SLC27A6: variants seen among roughly 807,000 people sequenced by gnomAD.
SLC27A6 encodes solute carrier family 27 member 6.
A neutral mutation model predicts 63.9 loss-of-function variants in SLC27A6; 74 were observed. The ratio of observed to expected loss-of-function variants is 1.16; its 90% CI spans 0.96 to 1.40. SLC27A6 has a LOEUF of 1.40. SLC27A6 is among the 40% of genes most tolerant of loss of function. SLC27A6 has a pLI of 0.00. For missense variants in SLC27A6, 794 were observed against 732.9 expected (o/e 1.08, Z -0.96); for synonymous variants, 287 against 260.8 (o/e 1.10, Z -0.97).
At chr5:128,991,163 A>T (rs923049774) in intron 4 of SLC27A6, among the ~76,000 whole-genome samples, 2 of 152,068 alleles carry the variant, frequency 1.3e-5, no homozygotes, top group Non-Finnish European at 2.9e-5. Flanking sequence ...ATGATTGACT[A>T]TTTCTTTACC....
chr5:128,968,338 C>A (rs1749991693), intron 1 of SLC27A6, among the ~76,000 whole-genome samples: 1 of 152,184 alleles, frequency 6.6e-6, no homozygotes, highest in Admixed American at 6.6e-5. Flanking sequence ...AATCACCACA[C>A]CGTCTTCCAC....
At chr5:129,008,842 G>T (rs1327656712) in intron 4 of SLC27A6, among the ~76,000 whole-genome samples, 2 of 150,738 alleles carry the variant, frequency 1.3e-5, no homozygotes, top group Non-Finnish European at 3.0e-5. Flanking sequence ...TCCACATCTT[G>T]GCTATCTTAT....
At chr5:129,026,973 A>G (rs781274585) in intron 6 of SLC27A6, among the ~76,000 whole-genome samples, 160 bp from the exon 7 acceptor site, 2 of 152,156 alleles carry the variant, frequency 1.3e-5, no homozygotes, top group Non-Finnish European at 2.9e-5. Flanking sequence ...TGCTGGATAT[A>G]GGCACCAAGG....
chr5:129,005,847 C>T lies in SLC27A6; in HGVS notation c.970-10038C>T, dbSNP rs1041676350. Among the ~76,000 whole-genome samples, 10 of 151,306 alleles carry T rather than the reference C, an allele frequency of 6.6e-5. No individual in the cohort carries two copies. In the South Asian group the frequency reaches 1.7e-3, roughly 25 times the overall value. On this transcript the variant is annotated intron_variant, in intron 4 of 9. Transcript: ENST00000262462. Reference sequence around the variant, plus strand: ...CAGGATGGTCTCGATCTCCTGACCTCGTGATCCGCCTGCCTCGGCCCCCCA... The same window carrying T: ...CAGGATGGTCTCGATCTCCTGACCTTGTGATCCGCCTGCCTCGGCCCCCCA...
intron 1 of SLC27A6, among the ~76,000 whole-genome samples, chr5:128,969,464 TTGAAG>T (rs1369737510): frequency 1.3e-5 from 2 of 152,220 alleles, no homozygotes; most frequent in African/African-American, 4.8e-5. Flanking sequence ...GTAGTTCTCC[TTGAAG>T]AGGTCCTTCA....
intron 1 of SLC27A6, among the ~76,000 whole-genome samples, chr5:128,983,395 C>T (rs1037831614): frequency 2.0e-5 from 3 of 146,874 alleles, no homozygotes; most frequent in East Asian, 2.1e-4. Context: ...TGGGTTCAAG[C>T]GATTCTCCTG....
At chr5:128,967,829 G>A (rs1749968462) in intron 1 of SLC27A6, among the ~76,000 whole-genome samples, 2 of 152,116 alleles carry the variant, frequency 1.3e-5, no homozygotes, top group East Asian at 3.9e-4. Context: ...TGTTATGTAT[G>A]TATACATGTG....
At position 129,027,173 on chromosome 5, in the gene SLC27A6, T is replaced by G. The variant is rs777408066; in HGVS notation, c.1296T>G (p.Asn432Lys). 2.5e-6 allele frequency: 4 copies of G among 1,613,442 alleles called. No individual in the cohort carries two copies. In the Admixed American group the frequency reaches 6.7e-5, roughly 27 times the overall value. Reference protein sequence around the residue: ...GLLISRVNAKNPFFGYAGPYK... With the variant: ...GLLISRVNAKKPFFGYAGPYK... ...TCATTTCTCGAGTGAATGCAAAAAA[T>G]CCCTTCTTTGGCTATGCTGGGCCTT... Residue 432 changes from asparagine to lysine, a missense_variant, in exon 7 of 10, where the codon AAT becomes AAG. Transcript: ENST00000262462.
At chr5:128,971,644 C>G (rs566445322) in intron 1 of SLC27A6, among the ~76,000 whole-genome samples, 2 of 151,916 alleles carry the variant, frequency 1.3e-5, no homozygotes, top group Admixed American at 1.3e-4. Flanking sequence ...TTATTTTGAG[C>G]CTATAGTGTG....
intron 4 of SLC27A6, among the ~76,000 whole-genome samples, chr5:129,006,069 C>CTGTTTTTTTTTTTTT (rs1751513404): frequency 3.1e-5 from 2 of 64,852 alleles, no homozygotes; most frequent in Admixed American, 2.2e-4. Flanking sequence ...CCTGTGCACA[C>CTGTTTTTTTTTTTTT]TGTTTTTTTT....
chr5:129,012,422 GA>G (rs1412519870), intron 4 of SLC27A6, among the ~76,000 whole-genome samples: 1 of 151,498 alleles, frequency 6.6e-6, no homozygotes, highest in East Asian at 1.9e-4. Flanking sequence ...ATGGCCACTT[GA>G]AAAAAAATGT....
At chr5:129,005,193 A>G (rs527457407) in intron 4 of SLC27A6, among the ~76,000 whole-genome samples, 16 of 152,182 alleles carry the variant, frequency 1.1e-4, no homozygotes, top group South Asian at 2.1e-4. Flanking sequence ...ACCTACCACT[A>G]TGCCCAATGT....
chr5:129,010,094 A>G (rs879191264), intron 4 of SLC27A6, among the ~76,000 whole-genome samples: 1 of 152,210 alleles, frequency 6.6e-6, no homozygotes, highest in East Asian at 1.9e-4. Flanking sequence ...AAATGTGAAC[A>G]AGATTCTGAT....
At chr5:128,973,910 A>G (rs756065446) in intron 1 of SLC27A6, among the ~76,000 whole-genome samples, 2 of 152,218 alleles carry the variant, frequency 1.3e-5, no homozygotes, top group East Asian at 1.9e-4. Context: ...TTGGAACAAT[A>G]AAAACACAAA....
intron 2 of SLC27A6, 28 bp downstream of exon 2, chr5:128,985,364 A>T: frequency 3.1e-6 from 5 of 1,597,790 alleles, no homozygotes; most frequent in Non-Finnish European, 4.3e-6. Flanking sequence ...TGAAGGCTAA[A>T]ATGAATGCGA....
intron 6 of SLC27A6, among the ~76,000 whole-genome samples, chr5:129,025,395 G>A (rs1752204375): frequency 6.6e-6 from 1 of 151,978 alleles, no homozygotes; most frequent in Admixed American, 6.6e-5. Flanking sequence ...AGGGAATGTA[G>A]ACTGACAGAA....
intron 4 of SLC27A6, among the ~76,000 whole-genome samples, chr5:129,006,069 C>CTGTTTTTTTTTT (rs1751513167): frequency 6.2e-5 from 4 of 64,852 alleles, no homozygotes; most frequent in Non-Finnish European, 7.9e-5. Flanking sequence ...CCTGTGCACA[C>CTGTTTTTTTTTT]TGTTTTTTTT....
At position 128,965,813 on chromosome 5, in the gene SLC27A6, G is replaced by T. The variant is rs1749861571; in HGVS notation, c.-325G>T. On this transcript the variant is annotated 5_prime_UTR_variant, in exon 1 of 10. Transcript: ENST00000262462. ...CCGCTGTCGCGGTTGGGAGGCGAGG[G>T]CGCAGCGCTGGGGTTGTAGATTCCA... 4.2e-6 allele frequency: 1 copy of T among 240,038 alleles called. No homozygotes were observed. Among genetic ancestry groups the T allele is most frequent in the Non-Finnish European group, 8.1e-6 (1 of 123,634 alleles). 14.9% of individuals were successfully genotyped at this position (240,038 alleles called of 1,614,324 possible).
chr5:128,969,798 A>G (rs1018740708), intron 1 of SLC27A6, among the ~76,000 whole-genome samples: 4 of 152,126 alleles, frequency 2.6e-5, no homozygotes, highest in African/African-American at 7.2e-5. Context: ...TTCCAACACT[A>G]TGTTGAATAG....
Sources: gnomAD v4.1 joint callset for allele counts (sites outside exome capture counted in the v4.1 genomes callset) on GRCh38, gnomAD v4.1.1 for gene constraint, MANE v1.5 for transcripts, NCBI Gene and HGNC (gene_info 2026-07-23, HGNC 2026-07-21) for gene names.